MYO5B: variants seen among roughly 807,000 people sequenced by gnomAD.
MYO5B encodes unconventional myosin-Vb.
Under a neutral mutation model 229.3 loss-of-function variants are expected in MYO5B, and 143 were observed. The ratio of observed to expected loss-of-function variants is 0.62; its 90% confidence interval spans 0.54 to 0.72. MYO5B has a LOEUF of 0.72. Ranked by LOEUF, MYO5B falls within the 30% of genes least tolerant of loss-of-function variation. The probability of loss-of-function intolerance (pLI) is 0.00; values close to 1 mark genes in which losing one functional copy is unlikely to be tolerated. For synonymous variants in MYO5B, 918 were observed against 885.2 expected (o/e 1.04, Z -0.66); for missense variants, 2,321 against 2,331.0 (o/e 1.00, Z 0.09).
At chr18:49,841,532 C>T (rs1377102105) in intron 34 of MYO5B, 78 bp from the exon 35 acceptor site, 2 of 1,295,746 alleles carry the variant, frequency 1.5e-6, no homozygotes, top group East Asian at 2.3e-5. Context: ...TCTTTCCCCA[C>T]ATTTCCTACC....
At chr18:49,974,765 C>G in intron 9 of MYO5B, 150 bp from the exon 10 acceptor site, 1 of 366,052 alleles carries the variant, frequency 2.7e-6, no homozygotes, top group Non-Finnish European at 4.6e-6. Flanking sequence ...CTGCTGCCAG[C>G]CCAGCAGTCT....
chr18:50,166,108 A>C lies in MYO5B; in HGVS notation c.27+28659T>G, dbSNP rs924590012. On this transcript the variant is annotated intron_variant, in intron 1 of 39. Transcript: ENST00000285039. ...CATCACCTTATGCCAGGTACACTCC[A>C]GCACCATTGAGCAGGCGGGGGTTCT... Among the ~76,000 whole-genome samples, 30 of 152,306 alleles carry C rather than the reference A, an allele frequency of 2.0e-4. 1 individual carries two copies. In the Middle Eastern group the frequency reaches 0.01, roughly 52 times the overall value.
chr18:49,856,523 C>T (rs1181679654), intron 30 of MYO5B, among the ~76,000 whole-genome samples: 5 of 152,210 alleles, frequency 3.3e-5, no homozygotes, highest in East Asian at 1.9e-4. Context: ...GTGTGCCTGC[C>T]GCTATGTGAC....
At chr18:49,994,129 C>A (rs992799640) in intron 5 of MYO5B, among the ~76,000 whole-genome samples, 2 of 152,160 alleles carry the variant, frequency 1.3e-5, no homozygotes, top group African/African-American at 4.8e-5. Context: ...GGCAAGCAAG[C>A]CTTCCCTGAT....
intron 18 of MYO5B, among the ~76,000 whole-genome samples, chr18:49,908,009 G>A (rs1375968271): frequency 6.6e-6 from 1 of 152,222 alleles, no homozygotes; most frequent in Non-Finnish European, 1.5e-5. Flanking sequence ...TCAGCCAGGA[G>A]GGGTTAGGAA....
intron 14 of MYO5B, among the ~76,000 whole-genome samples, chr18:49,944,617 C>A (rs917726052): frequency 1.3e-5 from 2 of 152,056 alleles, no homozygotes; most frequent in African/African-American, 4.8e-5. Context: ...TAGATTTTAA[C>A]TTGCTCATTT....
intron 14 of MYO5B, among the ~76,000 whole-genome samples, chr18:49,952,614 G>C (rs1348722718): frequency 6.6e-6 from 1 of 152,286 alleles, no homozygotes; most frequent in South Asian, 2.1e-4. Context: ...CAGGTGCTTA[G>C]TAAATATATG....
intron 17 of MYO5B, among the ~76,000 whole-genome samples, chr18:49,913,565 T>C (rs72928082): frequency 2.1e-4 from 32 of 152,218 alleles, no homozygotes; most frequent in South Asian, 4.1e-4. Flanking sequence ...GTGCTGTCCA[T>C]ACCCCTCACG....
chr18:50,151,470 T>C (rs9949712), intron 1 of MYO5B, among the ~76,000 whole-genome samples: 53,016 of 152,046 alleles, frequency 0.35, 9,851 homozygotes, highest in Non-Finnish European at 0.43. Flanking sequence ...CTTAAATTTC[T>C]ACTATTCAAA....
At chr18:50,071,556 A>C (rs1317684181) in intron 1 of MYO5B, among the ~76,000 whole-genome samples, 1 of 152,198 alleles carries the variant, frequency 6.6e-6, no homozygotes, top group Non-Finnish European at 1.5e-5. Flanking sequence ...TAAATAACTC[A>C]TCAGCACAGG....
intron 4 of MYO5B, among the ~76,000 whole-genome samples, chr18:50,019,134 G>GACTC (rs1249807504): frequency 6.6e-6 from 1 of 152,168 alleles, no homozygotes; most frequent in African/African-American, 2.4e-5. Flanking sequence ...AAACCTCATT[G>GACTC]ACATTTGAAA....
At chr18:50,081,508 T>C (rs1425382463) in intron 1 of MYO5B, among the ~76,000 whole-genome samples, 1 of 152,184 alleles carries the variant, frequency 6.6e-6, no homozygotes, top group Non-Finnish European at 1.5e-5. Flanking sequence ...GAGAGAAACA[T>C]CTTCATTGTG....
At chr18:49,901,219 C>G (rs759675255) in intron 21 of MYO5B, among the ~76,000 whole-genome samples, 10 of 152,200 alleles carry the variant, frequency 6.6e-5, no homozygotes, top group Non-Finnish European at 1.3e-4. Flanking sequence ...TCCAGCAAGG[C>G]CAGCAAAGCA....
rs547704432 is a variant in MYO5B at position 49,990,798 on chromosome 18, C to A, written c.757-278G>T. 2.0e-5 allele frequency among the ~76,000 whole-genome samples: 3 copies of A among 152,322 alleles called. No individual in the cohort carries two copies. The South Asian group carries it at 6.2e-4, about 32-fold the overall frequency. On this transcript the variant is annotated intron_variant, in intron 6 of 39. Coordinates refer to ENST00000285039, the MANE Select transcript of MYO5B (RefSeq NM_001080467.3). ...CTATATAGGACATCATTGCTCTTCA[C>A]AAATGGTGAGTCAGTCAATCAACAA...
At chr18:50,043,286 A>ATATTTATATT (rs1387597845) in intron 2 of MYO5B, among the ~76,000 whole-genome samples, 2 of 83,788 alleles carry the variant, frequency 2.4e-5, no homozygotes, top group Non-Finnish European at 4.7e-5. Flanking sequence ...ATTTATATTT[A>ATATTTATATT]TATATTATAT....
At chr18:50,033,081 A>G (rs2026408282) in intron 4 of MYO5B, among the ~76,000 whole-genome samples, 1 of 152,214 alleles carries the variant, frequency 6.6e-6, no homozygotes, top group Admixed American at 6.5e-5. Flanking sequence ...TTTCAAAAAA[A>G]CCATCAGACT....
At chr18:49,868,067 G>C (rs1383521633) in intron 27 of MYO5B, among the ~76,000 whole-genome samples, 1 of 151,072 alleles carries the variant, frequency 6.6e-6, no homozygotes, top group Non-Finnish European at 1.5e-5. Context: ...AAGACATGTA[G>C]AAAAATGCTC....
chr18:49,895,650 C>T (rs1417522403), intron 21 of MYO5B, among the ~76,000 whole-genome samples: 2 of 152,172 alleles, frequency 1.3e-5, no homozygotes, highest in African/African-American at 4.8e-5. Context: ...CCTTCAGCAT[C>T]CTCTCTTCCA....
intron 1 of MYO5B, among the ~76,000 whole-genome samples, chr18:50,062,880 C>G (rs931862317): frequency 4.6e-5 from 7 of 152,116 alleles, no homozygotes; most frequent in Non-Finnish European, 7.4e-5. Flanking sequence ...GGTCCCCACT[C>G]CCATCATCAG....
Sources: gnomAD v4.1 joint callset for allele counts (sites outside exome capture counted in the v4.1 genomes callset) on GRCh38, gnomAD v4.1.1 for gene constraint, MANE v1.5 for transcripts, NCBI Gene and HGNC (gene_info 2026-07-23, HGNC 2026-07-21) for gene names.